The following CPNE8 variants were observed in gnomAD, a reference collection of about 807,000 sequenced individuals.
CPNE8 encodes copine 8.
CPNE8 carries 45 observed loss-of-function variants against 81.5 expected under a neutral mutation model. The ratio of observed to expected loss-of-function variants is 0.55; its 90% CI spans 0.44 to 0.71. The LOEUF is 0.71. Among genes scored for constraint, CPNE8 ranks in the 30% least tolerant of loss-of-function variants. The pLI is 0.00. For synonymous variants in CPNE8, 252 were observed against 226.3 expected, an observed-to-expected ratio of 1.11 and a Z score of -1.02; for missense variants, 594 against 672.1, an observed-to-expected ratio of 0.88 and a Z score of 1.28.
chr12:38,777,078 C>G (rs79306970), intron 6 of CPNE8, among the ~76,000 whole-genome samples: 5,245 of 150,202 alleles, frequency 0.035, 286 homozygotes, highest in African/African-American at 0.12. Flanking sequence ...TTAGGTCCTG[C>G]AGATGTTCCA....
At chr12:38,661,116 C>T (rs978187906) in intron 19 of CPNE8, among the ~76,000 whole-genome samples, 11 of 152,022 alleles carry the variant, frequency 7.2e-5, no homozygotes, top group African/African-American at 2.4e-4. Flanking sequence ...GGGTATATAC[C>T]CAAAGGATTA....
chr12:38,732,176 T>A (rs895207115), intron 10 of CPNE8, among the ~76,000 whole-genome samples: 4 of 151,956 alleles, frequency 2.6e-5, no homozygotes, highest in African/African-American at 9.7e-5. Context: ...AACTTACCCA[T>A]GCTTGGTTAA....
Position 38,670,788 on chromosome 12 carries a change from C to T in CPNE8, c.1447G>A (p.Asp483Asn). 1 of 1,607,658 alleles carries T rather than the reference C, an allele frequency of 6.2e-7. No individual in the cohort carries two copies. Among genetic ancestry groups the T allele is most frequent in the Non-Finnish European group, 8.5e-7 (1 of 1,176,100 alleles). The change falls in exon 19 of 20, where the codon GAT (aspartate) becomes AAT (asparagine). Residue 483 changes from aspartate to asparagine, a missense_variant. Transcript: ENST00000331366. ...GAGGAGACTCTTACATCATCTCCAT[C>T]CAATTCGACCATTGCTTTAAGAGAA... is the stretch of plus-strand genomic sequence containing the variant. Reference protein sequence around the residue: ...PAEFDAMVELDGDDVRVSSRG... With the variant: ...PAEFDAMVELNGDDVRVSSRG...
At chr12:38,831,920 C>A (rs1592126186) in intron 5 of CPNE8, among the ~76,000 whole-genome samples, 1 of 152,286 alleles carries the variant, frequency 6.6e-6, no homozygotes. Context: ...AATGGAGTAG[C>A]GAGTCTCAGT....
chr12:38,794,519 G>A (rs1329792673), intron 6 of CPNE8, among the ~76,000 whole-genome samples: 2 of 152,000 alleles, frequency 1.3e-5, no homozygotes, highest in Non-Finnish European at 2.9e-5. Flanking sequence ...TTTTCCAAAA[G>A]TGATATACAA....
intron 10 of CPNE8, among the ~76,000 whole-genome samples, chr12:38,750,484 C>T (rs2136821924): frequency 6.6e-6 from 1 of 152,296 alleles, no homozygotes; most frequent in South Asian, 2.1e-4. Flanking sequence ...TGCAAAGCTG[C>T]AGAGGTGGAG....
At chr12:38,765,388 C>T (rs6580755) in intron 8 of CPNE8, among the ~76,000 whole-genome samples, 44,435 of 151,934 alleles carry the variant, frequency 0.29, 8,438 homozygotes, top group Non-Finnish European at 0.42. Flanking sequence ...AATTATTACC[C>T]AATCATATAT....
At chr12:38,700,982 G>A (rs1473337120) in intron 14 of CPNE8, among the ~76,000 whole-genome samples, 1 of 152,076 alleles carries the variant, frequency 6.6e-6, no homozygotes, top group Admixed American at 6.6e-5. Flanking sequence ...ACCCAGTCTT[G>A]GGTATGTCTT....
intron 19 of CPNE8, among the ~76,000 whole-genome samples, chr12:38,658,312 C>T (rs1938871256): frequency 6.6e-6 from 1 of 151,740 alleles, no homozygotes; most frequent in South Asian, 2.1e-4. Flanking sequence ...GATTGAAGAT[C>T]AAATTAATGA....
intron 15 of CPNE8, among the ~76,000 whole-genome samples, chr12:38,688,618 T>TGA (rs1405149518): frequency 1.9e-4 from 29 of 151,958 alleles, no homozygotes; most frequent in Admixed American, 6.6e-4. Flanking sequence ...TGTGTGTGTG[T>TGA]GTGTATACTA....
chr12:38,807,679 G>C (rs1297944911), intron 6 of CPNE8, among the ~76,000 whole-genome samples: 5 of 150,900 alleles, frequency 3.3e-5, no homozygotes, highest in Non-Finnish European at 7.4e-5. Flanking sequence ...TACTATTCAG[G>C]ACATAGGCAT....
intron 6 of CPNE8, among the ~76,000 whole-genome samples, chr12:38,782,539 C>G (rs1235281257): frequency 6.6e-6 from 1 of 152,050 alleles, no homozygotes; most frequent in Non-Finnish European, 1.5e-5. Context: ...ATGTCTCCAA[C>G]TTACTCTCAA....
At chr12:38,701,790 G>A (rs1033922880) in intron 14 of CPNE8, among the ~76,000 whole-genome samples, 2 of 152,102 alleles carry the variant, frequency 1.3e-5, no homozygotes, top group Non-Finnish European at 2.9e-5. Context: ...CACCATGCCT[G>A]GCCTTAGGTA....
intron 6 of CPNE8, among the ~76,000 whole-genome samples, chr12:38,803,669 A>C (rs1483989722): frequency 6.7e-6 from 1 of 149,984 alleles, no homozygotes; most frequent in Admixed American, 6.7e-5. Context: ...GCAATCAGGC[A>C]GGAGAAGGAA....
At chr12:38,906,015 G>C, upstream of CPNE8, 1 of 990,282 alleles carries the variant, frequency 1.0e-6, no homozygotes, top group African/African-American at 1.7e-5. Context: ...GCTTCCTTCT[G>C]TCAATCAGGT....
chr12:38,817,614 C>CTTTTTTTTTTTTTTTTTTT (rs869168296), intron 6 of CPNE8, among the ~76,000 whole-genome samples: 2 of 90,614 alleles, frequency 2.2e-5, no homozygotes, highest in Non-Finnish European at 3.9e-5. Flanking sequence ...TTAATTTATT[C>CTTTTTTTTTTTTTTTTTTT]TTTTTTTTTT....
At chr12:38,654,146 T>A in intron 19 of CPNE8, 76 bp from the exon 20 acceptor site, 1 of 1,467,172 alleles carries the variant, frequency 6.8e-7, no homozygotes, top group Non-Finnish European at 9.0e-7. Flanking sequence ...TCAACACATG[T>A]ACACATTTGG....
chr12:38,807,233 C>T (rs1394408308), intron 6 of CPNE8, among the ~76,000 whole-genome samples: 2 of 148,850 alleles, frequency 1.3e-5, no homozygotes, highest in African/African-American at 4.9e-5. Flanking sequence ...ACTTTCTTCA[C>T]AGAATTGGAA....
At chr12:38,726,758 A>G (rs991477395) in intron 11 of CPNE8, among the ~76,000 whole-genome samples, 4 of 152,192 alleles carry the variant, frequency 2.6e-5, no homozygotes, top group Non-Finnish European at 5.9e-5. Context: ...GGTTTTTCCT[A>G]AATTTTAGGA....
Sources: gnomAD v4.1 joint callset for allele counts (sites outside exome capture counted in the v4.1 genomes callset) on GRCh38, gnomAD v4.1.1 for gene constraint, MANE v1.5 for transcripts, NCBI Gene and HGNC (gene_info 2026-07-23, HGNC 2026-07-21) for gene names.